The following BANK1 variants were observed in gnomAD, a reference collection of about 807,000 sequenced individuals.
BANK1 encodes B-cell scaffold protein with ankyrin repeats.
A neutral mutation model predicts 94.5 loss-of-function variants in BANK1; 95 were observed. The ratio of observed to expected loss-of-function variants is 1.00; its 90% CI spans 0.85 to 1.19. BANK1 has a LOEUF of 1.19. Ranked by LOEUF, BANK1 falls within the 50% of genes most tolerant of loss-of-function variation. The pLI is 0.00. For synonymous variants in BANK1, 334 were observed against 308.4 expected (o/e 1.08, Z -0.87); for missense variants, 987 against 932.2 (o/e 1.06, Z -0.77).
At chr4:101,803,469 C>T (rs989952309) in intron 1 of BANK1, among the ~76,000 whole-genome samples, 15 of 151,342 alleles carry the variant, frequency 9.9e-5, no homozygotes, top group Non-Finnish European at 2.1e-4. Context: ...GTTGTGCTAG[C>T]GAAAATGAGA....
At chr4:101,842,450 T>G (rs1727086400) in intron 2 of BANK1, among the ~76,000 whole-genome samples, 2 of 152,202 alleles carry the variant, frequency 1.3e-5, no homozygotes, top group Admixed American at 1.3e-4. Flanking sequence ...TAGGTGCAGT[T>G]ACTAGTACTA....
chr4:102,042,230 T>G (rs903901719), intron 10 of BANK1, among the ~76,000 whole-genome samples: 2 of 152,054 alleles, frequency 1.3e-5, no homozygotes, highest in African/African-American at 2.4e-5. Context: ...CTTACAACAT[T>G]TATTTTAATA....
intron 10 of BANK1, among the ~76,000 whole-genome samples, chr4:102,030,762 C>T (rs191338427): frequency 2.0e-3 from 300 of 152,218 alleles, no homozygotes; most frequent in Non-Finnish European, 3.2e-3. Context: ...CTGCAAAGGA[C>T]ATGAACTCAT....
chr4:102,036,602 G>GT (rs1485768637), intron 10 of BANK1: 19 of 152,214 alleles, frequency 1.2e-4, no homozygotes, highest in Admixed American at 1.2e-3. Context: ...TCATGTTCCT[G>GT]TTTTTCTCCC....
intron 7 of BANK1, among the ~76,000 whole-genome samples, chr4:101,930,520 C>T (rs1052713922): frequency 2.0e-5 from 3 of 151,172 alleles, no homozygotes; most frequent in African/African-American, 4.9e-5. Flanking sequence ...CATAGCCATT[C>T]GCCAGTGAAA....
Position 101,855,129 on chromosome 4 carries a change from A to C in BANK1, c.564A>C (p.Ser188=). Residue 188 remains serine, a synonymous_variant, in exon 3 of 17, where the codon TCA becomes TCC. Coordinates refer to ENST00000322953, the MANE Select transcript of BANK1 (RefSeq NM_017935.5). ...AGAGAAAGGAAATTGAAGAACTATC[A>C]GAAGCTTCAAGAAACACCATACCAC... The part of the protein sequence containing the change: ...ISERKEIEEL[S]EASRNTIPLA... 3 of 1,613,244 alleles carry C rather than the reference A, an allele frequency of 1.9e-6. No homozygotes were observed. Among genetic ancestry groups the C allele is most frequent in the Non-Finnish European group, 2.5e-6 (3 of 1,179,230 alleles).
chr4:101,944,534 C>G (rs567136913), intron 7 of BANK1, among the ~76,000 whole-genome samples: 1 of 151,898 alleles, frequency 6.6e-6, no homozygotes, highest in Non-Finnish European at 1.5e-5. Context: ...TCCATAGCAT[C>G]CTATTCTCTC....
intron 7 of BANK1, among the ~76,000 whole-genome samples, chr4:101,918,788 A>G (rs1722911950): frequency 6.6e-6 from 1 of 151,964 alleles, no homozygotes; most frequent in African/African-American, 2.4e-5. Flanking sequence ...GTTGATATAG[A>G]ATATGTAAAT....
intron 7 of BANK1, among the ~76,000 whole-genome samples, chr4:102,015,183 T>A (rs1426624760): frequency 6.6e-6 from 1 of 152,102 alleles, no homozygotes; most frequent in Non-Finnish European, 1.5e-5. Flanking sequence ...TATTTAAATT[T>A]TTTTTAATTT....
intron 6 of BANK1, among the ~76,000 whole-genome samples, chr4:101,898,547 C>T (rs748161739): frequency 1.3e-5 from 2 of 151,912 alleles, no homozygotes; most frequent in African/African-American, 2.4e-5. Flanking sequence ...TTGAGTCTCT[C>T]TCAGAGAACA....
Position 102,003,094 on chromosome 4 carries a change from C to T in BANK1, c.1207-18420C>T, listed in dbSNP as rs191916848. Among the ~76,000 whole-genome samples, 244 of 152,232 alleles carry T rather than the reference C, an allele frequency of 1.6e-3. 3 individuals are homozygous for T. Among genetic ancestry groups the T allele is most frequent in the Non-Finnish European group, 3.0e-3 (206 of 68,002 alleles). The stretch of plus-strand genomic sequence containing the variant: ...TTCTTAGTAGCTAAGGTCGGCAGCA[C>T]AGTGGTCCCTTTTTCAAGACACCCA... On this transcript the variant is annotated intron_variant, in intron 7 of 16. Transcript: ENST00000322953.
chr4:101,973,081 A>T (rs1295703335), intron 7 of BANK1, among the ~76,000 whole-genome samples: 2 of 151,924 alleles, frequency 1.3e-5, no homozygotes, highest in African/African-American at 4.8e-5. Context: ...CTATTACCCA[A>T]CGTGGTAAAT....
At chr4:101,922,009 C>CATGTGTGT (rs369185640) in intron 7 of BANK1, among the ~76,000 whole-genome samples, 1 of 129,366 alleles carries the variant, frequency 7.7e-6, no homozygotes, top group Non-Finnish European at 1.6e-5. Context: ...ACACTGGGCC[C>CATGTGTGT]GTGTGTGTGT....
At chr4:102,055,139 A>T (rs764208009) in intron 11 of BANK1, among the ~76,000 whole-genome samples, 10 of 152,222 alleles carry the variant, frequency 6.6e-5, no homozygotes, top group Non-Finnish European at 1.3e-4. Flanking sequence ...GAATGTTTGT[A>T]TACATTTTTA....
intron 7 of BANK1, among the ~76,000 whole-genome samples, chr4:101,936,915 T>G (rs1018722094): frequency 7.9e-5 from 12 of 151,564 alleles, no homozygotes; most frequent in Non-Finnish European, 1.6e-4. Context: ...TTCAACAAAC[T>G]AAAAATAGAG....
At chr4:101,839,368 T>C (rs1334066018) in intron 2 of BANK1, among the ~76,000 whole-genome samples, 2 of 152,182 alleles carry the variant, frequency 1.3e-5, no homozygotes, top group African/African-American at 4.8e-5. Context: ...GTAAGAGAAA[T>C]ATTAAGATAT....
rs539961390 is a variant in BANK1 at position 101,943,218 on chromosome 4, T to C, written c.1206+25029T>C. On this transcript the variant is annotated intron_variant, in intron 7 of 16. Coordinates refer to ENST00000322953, the MANE Select transcript of BANK1 (RefSeq NM_017935.5). ...TAAGGTCATAGAAGTAAGCTTGAAG[T>C]CATATTAGCAAATTAGTGCCTTGCC... Among the ~76,000 whole-genome samples, 6 of 151,996 alleles carry C rather than the reference T, an allele frequency of 3.9e-5. No individual in the cohort carries two copies. The South Asian group carries it at 8.3e-4, about 21-fold the overall frequency.
chr4:101,952,522 G>C (rs1278744328), intron 7 of BANK1, among the ~76,000 whole-genome samples: 1 of 152,096 alleles, frequency 6.6e-6, no homozygotes, highest in Non-Finnish European at 1.5e-5. Flanking sequence ...TTGTTACAAT[G>C]ATCATAGTTA....
chr4:101,885,139 A>G (rs1240298889), intron 5 of BANK1, among the ~76,000 whole-genome samples: 2 of 152,156 alleles, frequency 1.3e-5, no homozygotes, highest in Non-Finnish European at 1.5e-5. Flanking sequence ...CTAGTCTGGA[A>G]CGCCTGACCT....
Sources: allele counts gnomAD v4.1 joint callset (sites outside exome capture counted in the v4.1 genomes callset), GRCh38; gene constraint gnomAD v4.1.1; transcripts MANE v1.5; gene names NCBI Gene and HGNC (gene_info 2026-07-23, HGNC 2026-07-21).